Variants in DMD observed in about 807,000 individuals in gnomAD.
DMD encodes mutant dystrophin.
In DMD, 63 loss-of-function variants were observed where a neutral mutation model predicts 330.1. That is an observed-to-expected ratio of 0.19 (90% CI 0.16 to 0.24). DMD has a LOEUF of 0.24. Among genes scored for constraint, DMD ranks in the 10% least tolerant of loss-of-function variants. The pLI is 1.00. For missense variants in DMD, 3,344 were observed against 2,684.1 expected, an observed-to-expected ratio of 1.25 and a Z score of -5.43; for synonymous variants, 1,223 against 959.8, an observed-to-expected ratio of 1.27 and a Z score of -5.07.
intron 29 of DMD, among the ~76,000 whole-genome samples, chrX:32,437,637 T>C (rs983509787): frequency 3.6e-5 from 4 of 112,469 alleles, no homozygotes; most frequent in African/African-American, 1.3e-4. Context: ...GTAGTAGATG[T>C]ACTCAGTAAG....
At chrX:31,715,542 C>CAA (rs34808252) in intron 52 of DMD, among the ~76,000 whole-genome samples, 1,868 of 50,369 alleles carry the variant, frequency 0.037, 58 homozygotes, top group East Asian at 0.12. Flanking sequence ...AACTCCGTCT[C>CAA]AAAAAAAAAA....
At chrX:31,662,493 AT>A (rs1311662415) in intron 53 of DMD, among the ~76,000 whole-genome samples, 1 of 112,228 alleles carries the variant, frequency 8.9e-6, no homozygotes, top group Non-Finnish European at 1.9e-5. Flanking sequence ...TAGCTCTATC[AT>A]TAAAATTTTA....
At chrX:33,309,022 T>C (rs1336163180) in intron 1 of DMD, among the ~76,000 whole-genome samples, 1 of 111,569 alleles carries the variant, frequency 9.0e-6, no homozygotes, top group Non-Finnish European at 1.9e-5. Context: ...ATTCGGGGCA[T>C]TTTTCATGTT....
intron 11 of DMD, among the ~76,000 whole-genome samples, chrX:32,630,921 T>C (rs765165722): frequency 8.9e-6 from 1 of 111,750 alleles, no homozygotes; most frequent in South Asian, 3.8e-4. Context: ...GACTTTGGTA[T>C]TTATTGTAGT....
At chrX:32,651,436 T>C (rs1397300341) in intron 9 of DMD, among the ~76,000 whole-genome samples, 1 of 112,192 alleles carries the variant, frequency 8.9e-6, no homozygotes, top group Non-Finnish European at 1.9e-5. Flanking sequence ...AGCCACGGTG[T>C]CCGGCCCTCA....
At chrX:31,333,514 C>T (rs1261597419) in intron 61 of DMD, among the ~76,000 whole-genome samples, 4 of 102,889 alleles carry the variant, frequency 3.9e-5, no homozygotes, top group African/African-American at 1.1e-4. Context: ...ACTGAATCTT[C>T]CTCTAATAGA....
Position 32,644,046 on chromosome X carries a change from G to T in DMD, c.1331+86C>A. On this transcript the variant is annotated intron_variant, in intron 11 of 78. Coordinates refer to ENST00000357033, the MANE Select transcript of DMD (RefSeq NM_004006.3). ...GTGCCTTGGGAACAAACTGAGAATCGTAACTTAACCATCAAACCACATCAA... is the reference window on the plus strand; with the variant it reads ...GTGCCTTGGGAACAAACTGAGAATCTTAACTTAACCATCAAACCACATCAA... 3 of 827,226 alleles carry T rather than the reference G, an allele frequency of 3.6e-6. No homozygotes were observed. In the South Asian group the frequency reaches 7.5e-5, roughly 21 times the overall value. The allele number at this position is 827,226 out of a possible 1,213,427, so 68.2% of individuals were successfully genotyped here.
At chrX:32,574,417 A>C (rs2052779578) in intron 13 of DMD, among the ~76,000 whole-genome samples, 1 of 112,050 alleles carries the variant, frequency 8.9e-6, no homozygotes, top group Admixed American at 9.5e-5. Context: ...GAAAACTAAC[A>C]ATCTCTGAGT....
chrX:32,288,146 C>A (rs1172229130), intron 42 of DMD, among the ~76,000 whole-genome samples: 1 of 111,470 alleles, frequency 9.0e-6, no homozygotes, highest in Non-Finnish European at 1.9e-5. Context: ...CTCCTCCGAA[C>A]TCCAGTCTAA....
At chrX:32,511,350 G>A (rs921053289) in intron 18 of DMD, among the ~76,000 whole-genome samples, 6 of 108,080 alleles carry the variant, frequency 5.6e-5, no homozygotes, top group South Asian at 4.1e-4. Context: ...TTGAAACCCC[G>A]TCTCTACTAA....
intron 30 of DMD, among the ~76,000 whole-genome samples, chrX:32,394,944 C>CAAAAAAAAAAAAAAA (rs1291053000): frequency 2.4e-5 from 1 of 42,117 alleles, no homozygotes; most frequent in Non-Finnish European, 5.3e-5. Context: ...GAAAAGAAAT[C>CAAAAAAAAAAAAAAA]ATCATCAGTA....
intron 1 of DMD, among the ~76,000 whole-genome samples, chrX:33,054,009 G>A (rs2094489860): frequency 8.9e-6 from 1 of 111,759 alleles, no homozygotes; most frequent in Non-Finnish European, 1.9e-5. Context: ...TACATTTTAG[G>A]AAAACTCTTT....
At chrX:32,028,434 T>C (rs1413618040) in intron 44 of DMD, among the ~76,000 whole-genome samples, 1 of 110,736 alleles carries the variant, frequency 9.0e-6, no homozygotes, top group Non-Finnish European at 1.9e-5. Context: ...ATATGAAAAG[T>C]CCAGGAAAAA....
At position 32,383,541 on chromosome X, in the gene DMD, G is replaced by A. The variant is rs571105057; in HGVS notation, c.4674+2769C>T. 9.9e-5 allele frequency among the ~76,000 whole-genome samples: 11 copies of A among 111,156 alleles called. No individual in the cohort carries two copies. The South Asian group carries it at 3.3e-3, about 33-fold the overall frequency. ...TATAGGACTTACAGCATTTTTATAAGATGGTATTTATACATGATCCCTTAG... is the reference window on the plus strand; with the variant it reads ...TATAGGACTTACAGCATTTTTATAAAATGGTATTTATACATGATCCCTTAG... On this transcript the variant is annotated intron_variant, in intron 33 of 78. Coordinates refer to ENST00000357033, the MANE Select transcript of DMD (RefSeq NM_004006.3).
chrX:32,343,040 T>C (rs947970929), intron 40 of DMD, 94 bp downstream of exon 40: 87 of 924,480 alleles, frequency 9.4e-5, no homozygotes, highest in Middle Eastern at 5.9e-4. Flanking sequence ...AGAACGTTAA[T>C]AGAAACAAGA....
chrX:33,002,447 C>G (rs1319279289), intron 2 of DMD, among the ~76,000 whole-genome samples: 3 of 110,870 alleles, frequency 2.7e-5, no homozygotes, highest in Non-Finnish European at 3.8e-5. Flanking sequence ...CATGCTCACC[C>G]CACGTAAATG....
intron 9 of DMD, among the ~76,000 whole-genome samples, chrX:32,668,359 C>T (rs1354889514): frequency 1.8e-5 from 2 of 111,848 alleles, no homozygotes; most frequent in African/African-American, 3.3e-5. Context: ...TTTTTTACCT[C>T]AAGTGTAAGA....
intron 74 of DMD, among the ~76,000 whole-genome samples, 161 bp downstream of exon 74, chrX:31,169,280 CAA>C (rs72043108): frequency 2.2e-5 from 2 of 89,189 alleles, no homozygotes. Flanking sequence ...TTTCAGATAA[CAA>C]AAAAAAAAAA....
intron 2 of DMD, among the ~76,000 whole-genome samples, chrX:32,865,726 T>C (rs1194250446): frequency 8.9e-6 from 1 of 112,762 alleles, no homozygotes; most frequent in Non-Finnish European, 1.9e-5. Flanking sequence ...ATATTTTGAC[T>C]GACACTTTAA....
Sources: allele counts gnomAD v4.1 joint callset (sites outside exome capture counted in the v4.1 genomes callset), GRCh38; gene constraint gnomAD v4.1.1; transcripts MANE v1.5; gene names NCBI Gene and HGNC (gene_info 2026-07-23, HGNC 2026-07-21).